Variants in UHRF2 observed in about 807,000 individuals in gnomAD.
UHRF2 encodes the protein E3 ubiquitin-protein ligase UHRF2.
UHRF2 carries 23 observed loss-of-function variants against 96.8 expected under a neutral mutation model. The observed-to-expected ratio is 0.24, with a 90% CI of 0.17 to 0.34. The LOEUF is 0.34. Ranked by LOEUF, UHRF2 falls within the 10% of genes least tolerant of loss-of-function variation. The pLI, the probability that UHRF2 is intolerant of heterozygous loss-of-function variation, is 1.00. For synonymous variants in UHRF2, 385 were observed against 332.6 expected (o/e 1.16, Z -1.72); for missense variants, 685 against 981.5 (o/e 0.70, Z 4.04).
Position 6,420,991 on chromosome 9 carries a change from A to T in UHRF2, c.233A>T (p.Asp78Val). ...CAGCTGCTAGTTCGCCCAGACCCTG[A>T]TCATCTTCCTGGCACATCTACACAG... ...IIQLLVRPDP[D>V]HLPGTSTQIE... The change falls in exon 2 of 16, where the codon GAT (aspartate) becomes GTT (valine). Residue 78 changes from aspartate (D) to valine (V), a missense_variant. Asp to Val is a radical substitution (Grantham distance 152). This residue lies in a region of UHRF2 where 391 missense variants were observed against 437.0 expected (regional missense o/e 0.89). Transcript: ENST00000276893. 1 of 1,613,532 alleles carries T rather than the reference A, an allele frequency of 6.2e-7. No homozygotes were observed. The highest frequency in any genetic ancestry group is 8.5e-7 in the Non-Finnish European group (1 of 1,179,848).
chr9:6,498,277 G>T (rs766400095), intron 12 of UHRF2, 119 bp downstream of exon 12: 5 of 1,092,790 alleles, frequency 4.6e-6, no homozygotes, highest in Middle Eastern at 2.1e-4. Context: ...TAAGGGGTGA[G>T]GAATAAGATC....
At chr9:6,429,866 T>C (rs1820472928) in intron 2 of UHRF2, among the ~76,000 whole-genome samples, 3 of 152,228 alleles carry the variant, frequency 2.0e-5, no homozygotes, top group Admixed American at 2.0e-4. Flanking sequence ...CTGGAGTGTT[T>C]TCTGCAAAAC....
At chr9:6,442,742 C>A (rs1219024111) in intron 3 of UHRF2, among the ~76,000 whole-genome samples, 3 of 151,860 alleles carry the variant, frequency 2.0e-5, no homozygotes, top group African/African-American at 7.3e-5. Flanking sequence ...CCTTTCACCT[C>A]GGCCTCCTAA....
intron 4 of UHRF2, among the ~76,000 whole-genome samples, chr9:6,463,965 A>G (rs1000316601): frequency 2.0e-5 from 3 of 152,146 alleles, no homozygotes; most frequent in African/African-American, 7.2e-5. Context: ...TGTAGGATGT[A>G]TCATGCCTAG....
chr9:6,447,122 C>T (rs1282737569), intron 3 of UHRF2, among the ~76,000 whole-genome samples: 2 of 152,096 alleles, frequency 1.3e-5, no homozygotes, highest in African/African-American at 4.8e-5. Context: ...ATCTCCTGAC[C>T]TCATGATCTG....
At chr9:6,444,631 T>A (rs1203209274) in intron 3 of UHRF2, among the ~76,000 whole-genome samples, 1 of 152,156 alleles carries the variant, frequency 6.6e-6, no homozygotes, top group East Asian at 1.9e-4. Flanking sequence ...GACTGAGTCT[T>A]GCTCTTGTTG....
intron 1 of UHRF2, among the ~76,000 whole-genome samples, chr9:6,414,890 T>G (rs879292385): frequency 1.3e-5 from 2 of 152,228 alleles, no homozygotes; most frequent in African/African-American, 2.4e-5. Context: ...TGTACTGACT[T>G]CTTAGTGTTT....
chr9:6,484,561 C>T (rs1011608124), intron 8 of UHRF2: 1 of 151,266 alleles, frequency 6.6e-6, no homozygotes, highest in Non-Finnish European at 1.5e-5. Context: ...CACCACCACA[C>T]CCAGCTGATT....
At chr9:6,432,216 A>G (rs1820597143) in intron 2 of UHRF2, among the ~76,000 whole-genome samples, 1 of 152,130 alleles carries the variant, frequency 6.6e-6, no homozygotes, top group Non-Finnish European at 1.5e-5. Flanking sequence ...TTCTTGTGTA[A>G]TATTAAACTT....
intron 2 of UHRF2, among the ~76,000 whole-genome samples, chr9:6,430,246 G>T (rs1283876957): frequency 6.6e-6 from 1 of 152,166 alleles, no homozygotes; most frequent in Non-Finnish European, 1.5e-5. Context: ...CTGACCTCAG[G>T]TGATCCATCC....
rs1434598233 is a variant in UHRF2, at chr9:6,429,179, A to G, written c.385-4735A>G. Among the ~76,000 whole-genome samples the G allele has an allele frequency of 3.3e-5, 5 of 152,026 alleles. No individual in the cohort carries two copies. In the East Asian group the frequency reaches 9.6e-4, roughly 29 times the overall value. On this transcript the variant is annotated intron_variant, in intron 2 of 15. Coordinates refer to ENST00000276893, the MANE Select transcript of UHRF2 (RefSeq NM_152896.3). The stretch of plus-strand genomic sequence containing the variant: ...GACTCTGTCTCAGGAAAAAAAAAAA[A>G]AGGAAGATGGTACAATGAGAGAACA...
intron 3 of UHRF2, among the ~76,000 whole-genome samples, chr9:6,444,981 T>G (rs753731637): frequency 8.6e-5 from 13 of 152,024 alleles, no homozygotes; most frequent in Non-Finnish European, 1.9e-4. Context: ...CTACATAGTT[T>G]AGGCACTAGA....
chr9:6,423,176 T>C (rs906937422), intron 2 of UHRF2, among the ~76,000 whole-genome samples: 6 of 152,212 alleles, frequency 3.9e-5, no homozygotes, highest in African/African-American at 1.4e-4. Flanking sequence ...TACATATGTA[T>C]ATAGAAAGAT....
chr9:6,465,566 C>A (rs1015867005), intron 4 of UHRF2, among the ~76,000 whole-genome samples: 3 of 152,088 alleles, frequency 2.0e-5, no homozygotes, highest in Non-Finnish European at 4.4e-5. Flanking sequence ...ATTTTAAAAT[C>A]TGTTGTCATA....
At chr9:6,469,527 T>C (rs1335469422) in intron 4 of UHRF2, among the ~76,000 whole-genome samples, 1 of 150,088 alleles carries the variant, frequency 6.7e-6, no homozygotes, top group Non-Finnish European at 1.5e-5. Context: ...AAAAAAAAAA[T>C]TAAAAAACAT....
intron 8 of UHRF2, among the ~76,000 whole-genome samples, chr9:6,483,349 C>T (rs1361347339): frequency 1.4e-5 from 2 of 146,112 alleles, no homozygotes; most frequent in African/African-American, 2.6e-5. Flanking sequence ...AAAAAAAAAT[C>T]CTTTATACAA....
chr9:6,442,046 A>G (rs771556073), intron 3 of UHRF2, among the ~76,000 whole-genome samples: 1 of 151,974 alleles, frequency 6.6e-6, no homozygotes, highest in Non-Finnish European at 1.5e-5. Flanking sequence ...GCTCACTGCA[A>G]CCTCTGCCTC....
At chr9:6,426,356 G>A (rs1820260536) in intron 2 of UHRF2, among the ~76,000 whole-genome samples, 1 of 152,164 alleles carries the variant, frequency 6.6e-6, no homozygotes, top group Non-Finnish European at 1.5e-5. Context: ...CTGCTGCTTG[G>A]TTATACAAAT....
At chr9:6,456,476 G>C (rs1822182163) in intron 3 of UHRF2, among the ~76,000 whole-genome samples, 1 of 152,138 alleles carries the variant, frequency 6.6e-6, no homozygotes, top group Admixed American at 6.5e-5. Context: ...CTCTCGTTCT[G>C]TAGGTTGCCT....
Sources: allele counts gnomAD v4.1 joint callset (sites outside exome capture counted in the v4.1 genomes callset), GRCh38; gene constraint gnomAD v4.1.1; regional missense constraint gnomAD v4.1.1; transcripts MANE v1.5; gene names NCBI Gene and HGNC (gene_info 2026-07-23, HGNC 2026-07-21).